TNNI3K: variants seen among roughly 807,000 people sequenced by gnomAD.
TNNI3K encodes the protein serine/threonine-protein kinase TNNI3K.
Under a neutral mutation model 114.5 loss-of-function variants are expected in TNNI3K, and 140 were observed. The ratio of observed to expected loss-of-function variants is 1.22; its 90% CI spans 1.07 to 1.41. The LOEUF (loss-of-function observed/expected upper bound fraction) is 1.41, where lower values mean the gene tolerates loss of function less well. Among genes scored for constraint, TNNI3K ranks in the 40% most tolerant of loss-of-function variants. The pLI, the probability that TNNI3K is intolerant of heterozygous loss-of-function variation, is 0.00. For synonymous variants in TNNI3K, 347 were observed against 347.5 expected (o/e 1.00, Z 0.02); for missense variants, 1,125 against 1,007.6 (o/e 1.12, Z -1.58).
intron 23 of TNNI3K, among the ~76,000 whole-genome samples, chr1:74,505,806 C>G (rs1382540855): frequency 1.7e-4 from 26 of 152,170 alleles, no homozygotes; most frequent in Admixed American, 1.4e-3. Context: ...AAAATAACTC[C>G]TGAATTAACC....
chr1:74,424,641 C>T (rs192949510), intron 17 of TNNI3K, among the ~76,000 whole-genome samples: 24 of 151,296 alleles, frequency 1.6e-4, no homozygotes, highest in Admixed American at 1.3e-3. Context: ...ATCCCTTGAA[C>T]CCAGGAGGCG....
At chr1:74,315,560 T>C (rs760261197) in intron 5 of TNNI3K, among the ~76,000 whole-genome samples, 1 of 152,066 alleles carries the variant, frequency 6.6e-6, no homozygotes, top group South Asian at 2.1e-4. Flanking sequence ...TTTTTGGTTT[T>C]TTTTTTTAAC....
intron 23 of TNNI3K, among the ~76,000 whole-genome samples, chr1:74,520,711 G>T (rs1646420069): frequency 6.6e-6 from 1 of 152,054 alleles, no homozygotes; most frequent in South Asian, 2.1e-4. Context: ...AGGAAGGGAG[G>T]CCTGGGGCAT....
intron 23 of TNNI3K, among the ~76,000 whole-genome samples, chr1:74,517,970 A>G (rs1421592122): frequency 6.6e-6 from 1 of 152,174 alleles, no homozygotes; most frequent in East Asian, 1.9e-4. Flanking sequence ...TACTTAAAGT[A>G]ACAATCTTTG....
chr1:74,367,539 T>G (rs1382891925), intron 12 of TNNI3K, among the ~76,000 whole-genome samples, 197 bp downstream of exon 12: 1 of 151,912 alleles, frequency 6.6e-6, no homozygotes, highest in Non-Finnish European at 1.5e-5. Flanking sequence ...ATTTTCTAAC[T>G]CACCAATCTG....
chr1:74,460,178 T>A (rs1313793239), intron 20 of TNNI3K, among the ~76,000 whole-genome samples: 1 of 151,672 alleles, frequency 6.6e-6, no homozygotes, highest in Non-Finnish European at 1.5e-5. Context: ...CAGGTTGAAG[T>A]GATTTTCCTG....
intron 2 of TNNI3K, among the ~76,000 whole-genome samples, chr1:74,246,728 A>C (rs1654583709): frequency 6.6e-6 from 1 of 152,364 alleles, no homozygotes; most frequent in South Asian, 2.1e-4. Context: ...TACTGAAAGA[A>C]GAAAAAGCTT....
intron 23 of TNNI3K, among the ~76,000 whole-genome samples, chr1:74,497,203 G>A (rs1669373056): frequency 6.6e-6 from 1 of 152,094 alleles, no homozygotes. Flanking sequence ...TGACACTGAT[G>A]TTCCTAGGAA....
Position 74,436,055 on chromosome 1 carries a change from CTTTTTTTTTT to C in TNNI3K, c.1773-14_1773-5del. 6.9e-7 allele frequency: 1 copy of C among 1,441,182 alleles called. No homozygotes were observed. Among genetic ancestry groups the C allele is most frequent in the Non-Finnish European group, 9.2e-7 (1 of 1,084,912 alleles). 89.3% of individuals were successfully genotyped at this position (1,441,182 alleles called of 1,614,324 possible). A position where few individuals can be genotyped will look rare whatever the true frequency, so the allele number is the denominator to read the frequency against. ...CATAGCAAAGCTTACTCAATGTCTA[CTTTTTTTTTT>C]TTTTTTTTTTACAGTCACAATATTC... On this transcript the variant is annotated splice_polypyrimidine_tract_variant and intron_variant, in intron 17 of 24. Coordinates refer to ENST00000326637, the MANE Select transcript of TNNI3K (RefSeq NM_015978.3).
intron 17 of TNNI3K, among the ~76,000 whole-genome samples, chr1:74,392,650 C>T (rs551690732): frequency 6.6e-6 from 1 of 152,276 alleles, no homozygotes; most frequent in South Asian, 2.1e-4. Flanking sequence ...ACTTGGTTGA[C>T]TTCCTGTTTT....
intron 17 of TNNI3K, among the ~76,000 whole-genome samples, chr1:74,387,611 A>G (rs917986014): frequency 1.3e-5 from 2 of 152,214 alleles, no homozygotes; most frequent in Admixed American, 1.3e-4. Flanking sequence ...CAATACAGAG[A>G]TTAGGAATCA....
In TNNI3K at chr1:74,391,957, A is replaced by ATTAT. The variant is rs1369570973; in HGVS notation, c.1772+21567_1772+21568insATTT. On this transcript the variant is annotated intron_variant, in intron 17 of 24. Coordinates refer to ENST00000326637, the MANE Select transcript of TNNI3K (RefSeq NM_015978.3). ...TTGATTTAGGATGGTACAGCTTATT[A>ATTAT]TTTTTTTTTTTTTTTTTTTTTTTTT... 1.3e-4 allele frequency among the ~76,000 whole-genome samples: 12 copies of ATTAT among 92,990 alleles called. 1 individual carries two copies. The highest frequency in any genetic ancestry group is 3.9e-4 in the African/African-American group (10 of 25,650). 61.0% of individuals were successfully genotyped at this position (92,990 alleles called of 152,430 possible). A position where few individuals can be genotyped will look rare whatever the true frequency, so the allele number is the denominator to read the frequency against.
At chr1:74,319,671 A>T (rs1447373467) in intron 5 of TNNI3K, among the ~76,000 whole-genome samples, 1 of 152,178 alleles carries the variant, frequency 6.6e-6, no homozygotes, top group East Asian at 1.9e-4. Context: ...CCAAAAAGTA[A>T]CAACTCTTTT....
intron 17 of TNNI3K, among the ~76,000 whole-genome samples, chr1:74,409,926 G>A (rs938926533): frequency 6.6e-6 from 1 of 152,132 alleles, no homozygotes; most frequent in Admixed American, 6.6e-5. Flanking sequence ...CAATGAGTGA[G>A]GTTGCACCAA....
intron 23 of TNNI3K, 120 bp downstream of exon 23, chr1:74,492,386 G>A (rs1570695750): frequency 2.4e-6 from 3 of 1,252,728 alleles, no homozygotes; most frequent in East Asian, 2.8e-5. Flanking sequence ...CTTTGAAAGA[G>A]GAGTTTTCAG....
chr1:74,326,725 G>T (rs1484687339), intron 5 of TNNI3K, among the ~76,000 whole-genome samples: 1 of 152,090 alleles, frequency 6.6e-6, no homozygotes, highest in Non-Finnish European at 1.5e-5. Flanking sequence ...ATTTTCAAAA[G>T]CTTTTCATGG....
chr1:74,360,347 T>C (rs1354817025), intron 11 of TNNI3K, among the ~76,000 whole-genome samples: 2 of 152,034 alleles, frequency 1.3e-5, no homozygotes, highest in Non-Finnish European at 2.9e-5. Flanking sequence ...TATTGTCTTG[T>C]GTACTTCTTG....
chr1:74,532,046 C>T (rs1646593188), intron 23 of TNNI3K, among the ~76,000 whole-genome samples: 1 of 152,192 alleles, frequency 6.6e-6, no homozygotes, highest in Non-Finnish European at 1.5e-5. Context: ...AGTCTTTAAT[C>T]ACACTGATAA....
At chr1:74,519,492 C>T (rs1324304470) in intron 23 of TNNI3K, among the ~76,000 whole-genome samples, 1 of 125,294 alleles carries the variant, frequency 8.0e-6, no homozygotes, top group African/African-American at 4.5e-5. Flanking sequence ...AGTTTACAGT[C>T]CCACCAACAG....
Sources: gnomAD v4.1 joint callset for allele counts (sites outside exome capture counted in the v4.1 genomes callset) on GRCh38, gnomAD v4.1.1 for gene constraint, MANE v1.5 for transcripts, NCBI Gene and HGNC (gene_info 2026-07-23, HGNC 2026-07-21) for gene names.